The following GREM1 variants were observed in gnomAD, a reference collection of about 807,000 sequenced individuals.
GREM1 encodes the protein gremlin-1.
A neutral mutation model predicts 13.1 loss-of-function variants in GREM1; 6 were observed. The ratio of observed to expected loss-of-function variants is 0.46; its 90% CI spans 0.25 to 0.91. The LOEUF is 0.91. Ranked by LOEUF, GREM1 falls within the 40% of genes least tolerant of loss-of-function variation. The pLI is 0.18. For synonymous variants in GREM1, 98 were observed against 93.7 expected (o/e 1.05, Z -0.27); for missense variants, 185 against 233.9 (o/e 0.79, Z 1.36).
intron 1 of GREM1, among the ~76,000 whole-genome samples, chr15:32,724,655 A>G (rs2055466696): frequency 6.6e-6 from 1 of 151,546 alleles, no homozygotes; most frequent in African/African-American, 2.4e-5. Context: ...TCTTTTTATA[A>G]TACTTTAAGT....
In GREM1 at chr15:32,738,125, A is replaced by AAACAAAC; in HGVS notation, c.*6882_*6883insCAAACAA. On this transcript the variant is annotated 3_prime_UTR_variant, in exon 2 of 2. Transcript: ENST00000651154. ...AAAAAAAAAAAAAAAAAAAAAAAAA[A>AAACAAAC]AAAAAAAAGAAAAGAAAAAAGTCAT... The AAACAAAC allele has an allele frequency of 1.1e-4, 3 of 27,986 alleles. 1 individual carries two copies. The highest frequency in any genetic ancestry group is 3.8e-3 in the East Asian group (2 of 520). The allele number at this position is 27,986 out of a possible 1,614,324, so 1.7% of individuals were successfully genotyped here.
intron 1 of GREM1, among the ~76,000 whole-genome samples, chr15:32,728,175 G>A (rs2055547947): frequency 6.6e-6 from 1 of 152,166 alleles, no homozygotes; most frequent in Non-Finnish European, 1.5e-5. Context: ...AGCCGGTATA[G>A]CCAAGACGAT....
intron 1 of GREM1, among the ~76,000 whole-genome samples, chr15:32,722,380 C>G (rs2055422458): frequency 6.6e-6 from 1 of 152,206 alleles, no homozygotes; most frequent in Admixed American, 6.5e-5. Flanking sequence ...GAAGTCCATG[C>G]ACAGACATTT....
intron 1 of GREM1, 113 bp from the exon 2 acceptor site, chr15:32,730,577 T>G (rs1567112750): frequency 1.4e-6 from 1 of 699,968 alleles, no homozygotes; most frequent in East Asian, 2.8e-5. Context: ...AAATGGAATA[T>G]TTCACGTTAA....
At position 32,730,889 on chromosome 15, in the gene GREM1, G is replaced by A; in HGVS notation, c.199G>A (p.Ala67Thr). The A allele has an allele frequency of 6.2e-7, 1 of 1,613,560 alleles. No individual in the cohort carries two copies. The highest frequency in any genetic ancestry group is 8.5e-7 in the Non-Finnish European group (1 of 1,179,826). Residue 67 changes from alanine (A) to threonine (T), a missense_variant, in exon 2 of 2, where the codon GCC becomes ACC. By Grantham distance (58) the Ala-to-Thr change is moderately conservative (BLOSUM62 0). Coordinates refer to ENST00000651154, the MANE Select transcript of GREM1 (RefSeq NM_013372.7). ...NRGRGQGRGT[A>T]MPGEEVLESS... Reference sequence around the variant, plus strand: ...GGGGCGGGGCCAAGGGCGGGGCACTGCCATGCCCGGGGAGGAGGTGCTGGA... The same window carrying A: ...GGGGCGGGGCCAAGGGCGGGGCACTACCATGCCCGGGGAGGAGGTGCTGGA...
chr15:32,723,140 T>C (rs2055438555), intron 1 of GREM1, among the ~76,000 whole-genome samples: 1 of 152,224 alleles, frequency 6.6e-6, no homozygotes, highest in Admixed American at 6.5e-5. Flanking sequence ...GGGACACCCT[T>C]CTACATGTTG....
At position 32,735,698 on chromosome 15, in the gene GREM1, G is replaced by A. The variant is rs2055688198; in HGVS notation, c.*4453G>A. 1 of 150,518 alleles carries A rather than the reference G, an allele frequency of 6.6e-6. No individual in the cohort carries two copies. The highest frequency in any genetic ancestry group is 1.5e-5 in the Non-Finnish European group (1 of 67,854). 9.3% of individuals were successfully genotyped at this position (150,518 alleles called of 1,614,324 possible). The stretch of plus-strand genomic sequence containing the variant: ...CCAAGGAGAAAGTGTTCTCAGAAAA[G>A]CCACACCCATTAGAAAAATACAAGG... On this transcript the variant is annotated 3_prime_UTR_variant, in exon 2 of 2. Transcript: ENST00000651154.
intron 1 of GREM1, among the ~76,000 whole-genome samples, chr15:32,728,790 G>T (rs756000968): frequency 3.3e-5 from 5 of 152,160 alleles, no homozygotes; most frequent in Non-Finnish European, 5.9e-5. Context: ...GAACCTTCAG[G>T]ATTCAGGTCC....
rs2055791367 is a variant in GREM1, at chr15:32,744,706, A to C, written c.*13461A>C. 6.6e-6 allele frequency: 1 copy of C among 151,904 alleles called. No homozygotes were observed. Among genetic ancestry groups the C allele is most frequent in the South Asian group, 2.1e-4 (1 of 4,818 alleles). The allele number at this position is 151,904 out of a possible 1,614,324, so 9.4% of individuals were successfully genotyped here. A position where few individuals can be genotyped will look rare whatever the true frequency, so the allele number is the denominator to read the frequency against. On this transcript the variant is annotated 3_prime_UTR_variant, in exon 2 of 2. Coordinates refer to ENST00000651154, the MANE Select transcript of GREM1 (RefSeq NM_013372.7). ...TACATTGTACAGATGCAGGATAACA[A>C]TGCAGTGTTATCCTGCATCTGTACA...
Position 32,731,402 on chromosome 15 carries a change from A to T in GREM1, c.*157A>T. On this transcript the variant is annotated 3_prime_UTR_variant, in exon 2 of 2. Coordinates refer to ENST00000651154, the MANE Select transcript of GREM1 (RefSeq NM_013372.7). Reference sequence around the variant, plus strand: ...TGCTTGTGCGTAGTTCGTGTGCATGAGTGTGGATGGGTGCCTGTGGGTGTT... The same window carrying T: ...TGCTTGTGCGTAGTTCGTGTGCATGTGTGTGGATGGGTGCCTGTGGGTGTT... 1 of 631,290 alleles carries T rather than the reference A, an allele frequency of 1.6e-6. No homozygotes were observed. Among genetic ancestry groups the T allele is most frequent in the East Asian group, 2.7e-5 (1 of 36,544 alleles). The allele number at this position is 631,290 out of a possible 1,614,324, so 39.1% of individuals were successfully genotyped here. A position where few individuals can be genotyped will look rare whatever the true frequency, so the allele number is the denominator to read the frequency against.
chr15:32,728,404 G>A (rs2055551924), intron 1 of GREM1, among the ~76,000 whole-genome samples: 2 of 152,210 alleles, frequency 1.3e-5, no homozygotes, highest in South Asian at 4.1e-4. Context: ...TACAGTTGGA[G>A]CAGAAGCTGA....
Position 32,732,578 on chromosome 15 carries a change from T to C in GREM1, c.*1333T>C, listed in dbSNP as rs2140695354. The C allele has an allele frequency of 4.1e-6, 1 of 246,154 alleles. No homozygotes were observed. 15.2% of individuals were successfully genotyped at this position (246,154 alleles called of 1,614,324 possible). A position where few individuals can be genotyped will look rare whatever the true frequency, so the allele number is the denominator to read the frequency against. ...ATACCTGGTAGAGATGTAAGGGATA[T>C]GACCTCCCTTTCTTTATGTGCTCAC... is the stretch of plus-strand genomic sequence containing the variant. On this transcript the variant is annotated 3_prime_UTR_variant, in exon 2 of 2. Transcript: ENST00000651154.
rs1212454453 is a variant in GREM1, at chr15:32,733,167, CAT to C, written c.*1924_*1925del. On this transcript the variant is annotated 3_prime_UTR_variant, in exon 2 of 2. Coordinates refer to ENST00000651154, the MANE Select transcript of GREM1 (RefSeq NM_013372.7). ...CACGCTAGGCGAATTTGTCCAAACA[CAT>C]AGTGTGTGTGTTTTGTATACACTGT... 4.4e-6 allele frequency: 1 copy of C among 229,222 alleles called. No homozygotes were observed. The highest frequency in any genetic ancestry group is 9.4e-6 in the Non-Finnish European group (1 of 106,356). 14.2% of individuals were successfully genotyped at this position (229,222 alleles called of 1,614,324 possible). A position where few individuals can be genotyped will look rare whatever the true frequency, so the allele number is the denominator to read the frequency against.
chr15:32,727,886 A>C (rs1202419999), intron 1 of GREM1, among the ~76,000 whole-genome samples: 1 of 152,232 alleles, frequency 6.6e-6, no homozygotes, highest in Non-Finnish European at 1.5e-5. Flanking sequence ...TCCCATTCAC[A>C]AGTGCTACAA....
chr15:32,733,264 G>A lies in GREM1; in HGVS notation c.*2019G>A. 1 of 224,918 alleles carries A rather than the reference G, an allele frequency of 4.4e-6. No homozygotes were observed. The highest frequency in any genetic ancestry group is 9.7e-6 in the Non-Finnish European group (1 of 103,424). 13.9% of individuals were successfully genotyped at this position (224,918 alleles called of 1,614,324 possible). A position where few individuals can be genotyped will look rare whatever the true frequency, so the allele number is the denominator to read the frequency against. On this transcript the variant is annotated 3_prime_UTR_variant, in exon 2 of 2. Coordinates refer to ENST00000651154, the MANE Select transcript of GREM1 (RefSeq NM_013372.7). ...TAAAGCACAGAGTGGATTTAATTAA[G>A]CACACAAATGCTAAGGCAGAATTTT... is the stretch of plus-strand genomic sequence containing the variant.
rs2055626734 is a variant in GREM1, at chr15:32,731,922, A to G, written c.*677A>G. 1 of 232,902 alleles carries G rather than the reference A, an allele frequency of 4.3e-6. No individual in the cohort carries two copies. Among genetic ancestry groups the G allele is most frequent in the Admixed American group, 5.8e-5 (1 of 17,244 alleles). 14.4% of individuals were successfully genotyped at this position (232,902 alleles called of 1,614,324 possible). A position where few individuals can be genotyped will look rare whatever the true frequency, so the allele number is the denominator to read the frequency against. Reference sequence around the variant, plus strand: ...GAAAGGGAGGGTGGAGGGTGAGGCCAAATCAGGTCCAGCAAAAGTCAGTAG... The same window carrying G: ...GAAAGGGAGGGTGGAGGGTGAGGCCGAATCAGGTCCAGCAAAAGTCAGTAG... On this transcript the variant is annotated 3_prime_UTR_variant, in exon 2 of 2. Transcript: ENST00000651154.
rs535211148 is a variant in GREM1 at position 32,739,364 on chromosome 15, A to T, written c.*8119A>T. 2 of 152,328 alleles carry T rather than the reference A, an allele frequency of 1.3e-5. No individual in the cohort carries two copies. Among genetic ancestry groups the T allele is most frequent in the East Asian group, 3.9e-4 (2 of 5,182 alleles). 9.4% of individuals were successfully genotyped at this position (152,328 alleles called of 1,614,324 possible). On this transcript the variant is annotated 3_prime_UTR_variant, in exon 2 of 2. Transcript: ENST00000651154. ...CCTTGTTTATATTTATAGTTTCATCACTGAAGTGTGCATTCCTAAACTCAA... is the reference window on the plus strand; with the variant it reads ...CCTTGTTTATATTTATAGTTTCATCTCTGAAGTGTGCATTCCTAAACTCAA...
chr15:32,731,309 C>A lies in GREM1; in HGVS notation c.*64C>A. On this transcript the variant is annotated 3_prime_UTR_variant, in exon 2 of 2. Coordinates refer to ENST00000651154, the MANE Select transcript of GREM1 (RefSeq NM_013372.7). ...GCCCCAGGAAGTCCCAGACCTAAAA[C>A]AACCAGATTCTTACTTGGCTTAAAC... 1.5e-6 allele frequency: 2 copies of A among 1,310,236 alleles called. No homozygotes were observed. Among genetic ancestry groups the A allele is most frequent in the Non-Finnish European group, 2.1e-6 (2 of 930,508 alleles). 81.2% of individuals were successfully genotyped at this position (1,310,236 alleles called of 1,614,324 possible).
rs372399812 is a variant in GREM1 at position 32,731,259 on chromosome 15, G to A, written c.*14G>A. The A allele has an allele frequency of 3.8e-6, 6 of 1,599,682 alleles. No homozygotes were observed. Among genetic ancestry groups the A allele is most frequent in the Non-Finnish European group, 5.1e-6 (6 of 1,169,794 alleles). On this transcript the variant is annotated 3_prime_UTR_variant, in exon 2 of 2. Transcript: ENST00000651154. ...GATTTGGATTAAGCCAAATCCAGGT[G>A]CACCCAGCATGTCCTAGGAATGCAG...
Sources: allele counts gnomAD v4.1 joint callset (sites outside exome capture counted in the v4.1 genomes callset), GRCh38; gene constraint gnomAD v4.1.1; transcripts MANE v1.5; gene names NCBI Gene and HGNC (gene_info 2026-07-23, HGNC 2026-07-21).